The following VAV1 variants were observed in gnomAD, a reference collection of about 807,000 sequenced individuals.
VAV1 encodes proto-oncogene vav.
A neutral mutation model predicts 128.1 loss-of-function variants in VAV1; 33 were observed. The ratio of observed to expected loss-of-function variants is 0.26; its 90% CI spans 0.20 to 0.34. The LOEUF is 0.34. Ranked by LOEUF, VAV1 falls within the 10% of genes least tolerant of loss-of-function variation. The pLI is 1.00. For missense variants in VAV1, 715 were observed against 1,093.7 expected, an observed-to-expected ratio of 0.65 and a Z score of 4.88; for synonymous variants, 394 against 409.8, an observed-to-expected ratio of 0.96 and a Z score of 0.47.
At chr19:6,814,946 T>C (rs185929264) in intron 1 of VAV1, among the ~76,000 whole-genome samples, 56 of 151,736 alleles carry the variant, frequency 3.7e-4, no homozygotes, top group African/African-American at 1.3e-3. Flanking sequence ...TGCCAAGAGA[T>C]TTTTTTCCCC....
At chr19:6,833,160 T>C (rs766743248) in intron 15 of VAV1, 24 bp from the exon 16 acceptor site, 2 of 1,574,242 alleles carry the variant, frequency 1.3e-6, no homozygotes, top group Non-Finnish European at 1.7e-6. Flanking sequence ...TCTTTTTTTT[T>C]TTTTTTTAAT....
chr19:6,778,675 G>C (rs1970696341), intron 1 of VAV1, among the ~76,000 whole-genome samples: 1 of 152,126 alleles, frequency 6.6e-6, no homozygotes, highest in South Asian at 2.1e-4. Flanking sequence ...GCAGTGAGCT[G>C]TGATGGCACC....
chr19:6,826,572 G>T lies in VAV1; in HGVS notation c.828-40G>T. The T allele has an allele frequency of 6.7e-7, 1 of 1,493,536 alleles. No individual in the cohort carries two copies. The allele number at this position is 1,493,536 out of a possible 1,614,324, so 92.5% of individuals were successfully genotyped here. On this transcript the variant is annotated intron_variant, in intron 8 of 26. Coordinates refer to ENST00000602142, the MANE Select transcript of VAV1 (RefSeq NM_005428.4). The surrounding 1 kb of genome is among the most constrained non-coding windows in gnomAD (Gnocchi z 4.1). ...ACGCCAGCCTCTGCCCGACCTTGAT[G>T]CCAGTCACCTTTACCTGGTGGCCTG...
chr19:6,820,574 AATT>A lies in VAV1; in HGVS notation c.205-127_205-125del. The A allele has an allele frequency of 1.4e-6, 1 of 695,614 alleles. No homozygotes were observed. Among genetic ancestry groups the A allele is most frequent in the East Asian group, 2.5e-5 (1 of 40,002 alleles). The allele number at this position is 695,614 out of a possible 1,614,324, so 43.1% of individuals were successfully genotyped here. A position where few individuals can be genotyped will look rare whatever the true frequency, so the allele number is the denominator to read the frequency against. ...CTTAATCTTTACCAGAAGATAATTC[AATT>A]TCATGGAAGAGGGTCTGTGCTTTCA... On this transcript the variant is annotated intron_variant, in intron 1 of 26. Transcript: ENST00000602142. This position sits in a 1 kb window ranked among gnomAD's most constrained non-coding sequence, Gnocchi z 4.4.
At chr19:6,774,365 T>C (rs1448652753) in intron 1 of VAV1, among the ~76,000 whole-genome samples, 2 of 149,988 alleles carry the variant, frequency 1.3e-5, no homozygotes, top group African/African-American at 4.9e-5. Flanking sequence ...CCCGACCTCA[T>C]GATCCGCCCA....
intron 1 of VAV1, among the ~76,000 whole-genome samples, chr19:6,787,417 C>G (rs917071091): frequency 2.0e-5 from 3 of 152,038 alleles, no homozygotes; most frequent in Non-Finnish European, 2.9e-5. Flanking sequence ...CTCAAGCAAT[C>G]TTCCCCGCCT....
chr19:6,832,038 C>A, intron 14 of VAV1, 53 bp from the exon 15 acceptor site: 1 of 1,560,356 alleles, frequency 6.4e-7, no homozygotes, highest in African/African-American at 1.4e-5. Context: ...TGGGTGTGTG[C>A]TCCCACCCTC....
intron 1 of VAV1, among the ~76,000 whole-genome samples, chr19:6,783,707 AT>A: frequency 6.6e-6 from 1 of 152,092 alleles, no homozygotes; most frequent in South Asian, 2.1e-4. Flanking sequence ...ACCTCGGGTG[AT>A]CCACTCGCCT....
intron 1 of VAV1, among the ~76,000 whole-genome samples, chr19:6,813,633 G>C (rs534703467): frequency 6.6e-6 from 1 of 152,212 alleles, no homozygotes; most frequent in South Asian, 2.1e-4. Context: ...GGCTACTCAT[G>C]GCTGAGGTTT....
rs574472253 is a variant in VAV1, at chr19:6,826,523, C to T, written c.828-89C>T. 4.5e-5 allele frequency: 42 copies of T among 931,950 alleles called. No homozygotes were observed. The highest frequency in any genetic ancestry group is 1.1e-4 in the East Asian group (4 of 37,836). The allele number at this position is 931,950 out of a possible 1,614,324, so 57.7% of individuals were successfully genotyped here. A position where few individuals can be genotyped will look rare whatever the true frequency, so the allele number is the denominator to read the frequency against. ...ACTGGGACTCAGGTTTCTTCTCCAG[C>T]GGGGAAGAGCAAGGCCAGGGCTGAC... On this transcript the variant is annotated intron_variant, in intron 8 of 26. Coordinates refer to ENST00000602142, the MANE Select transcript of VAV1 (RefSeq NM_005428.4). This position sits in a 1 kb window ranked among gnomAD's most constrained non-coding sequence, Gnocchi z 4.1.
intron 1 of VAV1, among the ~76,000 whole-genome samples, chr19:6,789,673 C>T (rs1970975263): frequency 3.9e-5 from 6 of 152,074 alleles, no homozygotes; most frequent in Admixed American, 2.6e-4. Flanking sequence ...TCTTGGCTCA[C>T]TGCAACCTCC....
rs1309352952 is a variant in VAV1 at position 6,822,906 on chromosome 19, ATATT to A, written c.654+396_654+399del. Among the ~76,000 whole-genome samples the A allele has an allele frequency of 2.0e-5, 3 of 147,418 alleles. No homozygotes were observed. The highest frequency in any genetic ancestry group is 1.5e-5 in the Non-Finnish European group (1 of 66,914). On this transcript the variant is annotated intron_variant, in intron 6 of 26. Transcript: ENST00000602142. This position sits in a 1 kb window ranked among gnomAD's most constrained non-coding sequence, Gnocchi z 5.9. ...GTATAAAATATAAACATGATATATG[ATATT>A]TATAAGATATAAAATATATAGTTTT...
rs181919341 is a variant in VAV1 at position 6,848,982 on chromosome 19, C to T, written c.2129+868C>T. Among the ~76,000 whole-genome samples the T allele has an allele frequency of 4.4e-3, 662 of 151,034 alleles. 4 individuals are homozygous for T. The highest frequency in any genetic ancestry group is 0.01 in the African/African-American group (426 of 41,214). ...CTAATGTTTATATTTTTTGTAGAGA[C>T]GAGGGTCTCTCCTTGTTGCCCAGGC... On this transcript the variant is annotated intron_variant, in intron 23 of 26. Transcript: ENST00000602142.
At chr19:6,840,301 TTC>T (rs1325449338) in intron 21 of VAV1, among the ~76,000 whole-genome samples, 293 of 120,438 alleles carry the variant, frequency 2.4e-3, no homozygotes, top group Middle Eastern at 0.018. Flanking sequence ...AGAATTTTCT[TTC>T]TTTTTTTTTT....
intron 1 of VAV1, among the ~76,000 whole-genome samples, chr19:6,788,368 A>G (rs1036967322): frequency 4.2e-5 from 6 of 142,944 alleles, no homozygotes; most frequent in Non-Finnish European, 7.8e-5. Flanking sequence ...TATTATTATT[A>G]TTATTATTAT....
At chr19:6,814,701 T>TTTCC (rs1568299352) in intron 1 of VAV1, among the ~76,000 whole-genome samples, 1 of 133,042 alleles carries the variant, frequency 7.5e-6, no homozygotes, top group African/African-American at 3.3e-5. Context: ...TCTTTCTTTC[T>TTTCC]TTCTTTCTTT....
In VAV1 at chr19:6,828,402, C is replaced by G. The variant is rs1253523774; in HGVS notation, c.1024-17C>G. ...GGGGAGGGGCCCAGGTGACGTCTGA[C>G]GTCTTGGTTCTCTCAGGAGCTGGTG... On this transcript the variant is annotated splice_polypyrimidine_tract_variant and intron_variant, in intron 10 of 26. Transcript: ENST00000602142. This position sits in a 1 kb window ranked among gnomAD's most constrained non-coding sequence, Gnocchi z 4.5. 1 of 1,614,008 alleles carries G rather than the reference C, an allele frequency of 6.2e-7. No homozygotes were observed. The highest frequency in any genetic ancestry group is 8.5e-7 in the Non-Finnish European group (1 of 1,179,996).
At chr19:6,805,161 A>G (rs928559658) in intron 1 of VAV1, among the ~76,000 whole-genome samples, 2 of 151,992 alleles carry the variant, frequency 1.3e-5, no homozygotes, top group African/African-American at 2.4e-5. Flanking sequence ...GCAGCGGTTC[A>G]TGCCTGTAAT....
chr19:6,785,318 G>A (rs1599620286), intron 1 of VAV1, among the ~76,000 whole-genome samples: 1 of 151,836 alleles, frequency 6.6e-6, no homozygotes, highest in Non-Finnish European at 1.5e-5. Flanking sequence ...ATACAGACAT[G>A]AGCCACTTCA....
Sources: gnomAD v4.1 joint callset for allele counts (sites outside exome capture counted in the v4.1 genomes callset) on GRCh38, gnomAD v4.1.1 for gene constraint, Gnocchi (gnomAD v3.1) non-coding constraint, MANE v1.5 for transcripts, NCBI Gene and HGNC (gene_info 2026-07-23, HGNC 2026-07-21) for gene names.